Variants in LARP1B observed in about 807,000 individuals in gnomAD.
LARP1B encodes the protein La ribonucleoprotein 1B.
Under a neutral mutation model 114.2 loss-of-function variants are expected in LARP1B, and 76 were observed. The observed-to-expected ratio is 0.67, with a 90% CI of 0.55 to 0.81. The LOEUF is 0.81. LARP1B is among the 30% of genes least tolerant of loss of function. The probability of loss-of-function intolerance (pLI) is 0.00; values close to 1 mark genes in which losing one functional copy is unlikely to be tolerated. For missense variants in LARP1B, 1,014 were observed against 1,075.8 expected (o/e 0.94, Z 0.80); for synonymous variants, 345 against 348.0 (o/e 0.99, Z 0.10).
intron 16 of LARP1B, 62 bp downstream of exon 16, chr4:128,199,661 T>A (rs935380932): frequency 6.0e-6 from 5 of 839,852 alleles, no homozygotes; most frequent in Non-Finnish European, 6.5e-6. Context: ...TCTAAAAAAT[T>A]TAAATGTTGT....
intron 11 of LARP1B, chr4:128,155,445 G>A (rs1735073303): frequency 6.9e-6 from 5 of 720,322 alleles, no homozygotes; most frequent in East Asian, 2.6e-5. Context: ...TGGGTATGGC[G>A]ACCCCGCGCA....
At chr4:128,192,818 CTGTT>C (rs962513025) in intron 15 of LARP1B, among the ~76,000 whole-genome samples, 3 of 151,672 alleles carry the variant, frequency 2.0e-5, no homozygotes, top group Non-Finnish European at 2.9e-5. Context: ...CCCCATTTCT[CTGTT>C]TGTTTCTTTG....
At chr4:128,072,631 A>G (rs1216888782) in intron 1 of LARP1B, among the ~76,000 whole-genome samples, 1 of 151,734 alleles carries the variant, frequency 6.6e-6, no homozygotes, top group Non-Finnish European at 1.5e-5. Context: ...GTCTCGGCTC[A>G]CTGCAACTTT....
At chr4:128,133,667 G>T (rs1441619723) in intron 11 of LARP1B, among the ~76,000 whole-genome samples, 1 of 152,168 alleles carries the variant, frequency 6.6e-6, no homozygotes, top group Non-Finnish European at 1.5e-5. Context: ...AGACAGTCCA[G>T]AAATAAACCC....
intron 8 of LARP1B, among the ~76,000 whole-genome samples, chr4:128,098,767 ATTTTTTTT>A (rs869184167): frequency 0.015 from 510 of 34,980 alleles, 37 homozygotes; most frequent in African/African-American, 0.059. Flanking sequence ...ATATATATAT[ATTTTTTTT>A]TTTTTTTTTT....
At chr4:128,126,585 A>G (rs980463681) in intron 11 of LARP1B, among the ~76,000 whole-genome samples, 4 of 152,346 alleles carry the variant, frequency 2.6e-5, no homozygotes, top group Admixed American at 2.6e-4. Context: ...AACCAAATCA[A>G]TTGAAGGGAT....
Position 128,111,744 on chromosome 4 carries a change from G to A in LARP1B, c.989-2826G>A, listed in dbSNP as rs543479764. On this transcript the variant is annotated intron_variant, in intron 9 of 19. Coordinates refer to ENST00000326639, the MANE Select transcript of LARP1B (RefSeq NM_018078.4). ...TCTTGTTCTTGTCCCCCAGGCTGGA[G>A]TGCAGTGGCTCACTGCAACCTCCGC... 2.6e-5 allele frequency among the ~76,000 whole-genome samples: 4 copies of A among 152,192 alleles called. No individual in the cohort carries two copies. In the South Asian group the frequency reaches 6.2e-4, roughly 24 times the overall value.
intron 9 of LARP1B, among the ~76,000 whole-genome samples, chr4:128,110,456 G>A (rs1187335002): frequency 2.0e-5 from 3 of 149,842 alleles, no homozygotes; most frequent in African/African-American, 2.5e-5. Flanking sequence ...GGCGGATCAC[G>A]AGGTCAGGAG....
rs935707887 is a variant in LARP1B at position 128,111,124 on chromosome 4, G to A, written c.989-3446G>A. Among the ~76,000 whole-genome samples the A allele has an allele frequency of 3.3e-5, 5 of 150,904 alleles. No individual in the cohort carries two copies. In the Admixed American group the frequency reaches 3.3e-4, roughly 10 times the overall value. ...TGCAATGGCACGATCTCTGCTCACTGCAGACTCCGCCTCCCAGGTTCAAGC... is the reference window on the plus strand; with the variant it reads ...TGCAATGGCACGATCTCTGCTCACTACAGACTCCGCCTCCCAGGTTCAAGC... On this transcript the variant is annotated intron_variant, in intron 9 of 19. Coordinates refer to ENST00000326639, the MANE Select transcript of LARP1B (RefSeq NM_018078.4).
At chr4:128,066,614 A>G (rs541078291) in intron 1 of LARP1B, among the ~76,000 whole-genome samples, 2 of 151,270 alleles carry the variant, frequency 1.3e-5, no homozygotes, top group South Asian at 2.1e-4. Context: ...AGTAGCTGGG[A>G]TAACAGGCAA....
chr4:128,072,258 C>T (rs1765666727), intron 1 of LARP1B, among the ~76,000 whole-genome samples: 2 of 152,116 alleles, frequency 1.3e-5, no homozygotes. Flanking sequence ...GCGTTGGCCT[C>T]CCAAAGTGGT....
chr4:128,066,111 A>G (rs1029221080), intron 1 of LARP1B, among the ~76,000 whole-genome samples: 3 of 150,382 alleles, frequency 2.0e-5, no homozygotes, highest in African/African-American at 7.3e-5. Flanking sequence ...CTGGGACTAC[A>G]GGTGTAAGCC....
At chr4:128,100,805 C>CTTTTTTTTTT (rs1260880149) in intron 8 of LARP1B, among the ~76,000 whole-genome samples, 2 of 140,514 alleles carry the variant, frequency 1.4e-5, no homozygotes, top group Non-Finnish European at 1.6e-5. Flanking sequence ...CTTTTCTTTT[C>CTTTTTTTTTT]TTTTTTTTTT....
Position 128,065,330 on chromosome 4 carries a change from T to TTTC in LARP1B, c.-78+3929_-78+3930insTTC, listed in dbSNP as rs752164007. ...CTTTCTTTCTTTCTCTCTCTCTCTC[T>TTTC]CTTTCCTTTCTTTTCTTTTCTTTTC... On this transcript the variant is annotated intron_variant, in intron 1 of 19. Transcript: ENST00000326639. Among the ~76,000 whole-genome samples, 476 of 99,132 alleles carry TTTC rather than the reference T, an allele frequency of 4.8e-3. 2 individuals are homozygous for TTTC. The highest frequency in any genetic ancestry group is 0.015 in the East Asian group (55 of 3,644). 65.0% of individuals were successfully genotyped at this position (99,132 alleles called of 152,430 possible).
At position 128,155,757 on chromosome 4, in the gene LARP1B, G is replaced by A. The variant is rs949009186; in HGVS notation, c.1525-6437G>A. The A allele has an allele frequency of 1.9e-6, 3 of 1,606,714 alleles. No homozygotes were observed. In the East Asian group the frequency reaches 6.7e-5, roughly 36 times the overall value. Reference sequence around the variant, plus strand: ...ACAAGCTGGCTGCGGCCAAGTGTAGGAACTGGAGGAAGGAACTGACTGACT... The same window carrying A: ...ACAAGCTGGCTGCGGCCAAGTGTAGAAACTGGAGGAAGGAACTGACTGACT... On this transcript the variant is annotated intron_variant, in intron 11 of 19. Transcript: ENST00000326639.
At chr4:128,071,461 G>A (rs556789449) in intron 1 of LARP1B, among the ~76,000 whole-genome samples, 2 of 140,100 alleles carry the variant, frequency 1.4e-5, no homozygotes, top group African/African-American at 5.4e-5. Context: ...TCACTCTGTC[G>A]CCAAGGCTGG....
Position 128,200,661 on chromosome 4 carries a change from T to A in LARP1B, c.2305T>A (p.Tyr769Asn). The A allele has an allele frequency of 6.4e-7, 1 of 1,574,194 alleles. No homozygotes were observed. Among genetic ancestry groups the A allele is most frequent in the Non-Finnish European group, 8.6e-7 (1 of 1,162,868 alleles). The change falls in exon 17 of 20, where the codon TAC becomes AAC. Residue 769 changes from tyrosine (Y) to asparagine (N), a missense_variant. Coordinates refer to ENST00000326639, the MANE Select transcript of LARP1B (RefSeq NM_018078.4). Reference protein sequence around the residue: ...QLAWEDAKENYRYGLECLFRF... With the variant: ...QLAWEDAKENNRYGLECLFRF... ...TGCTTGGGAAGATGCAAAAGAAAAT[T>A]ACAGGTCAGATATTTTCTTTTACAC...
At chr4:128,098,803 T>C (rs1779219477) in intron 8 of LARP1B, among the ~76,000 whole-genome samples, 1 of 116,614 alleles carries the variant, frequency 8.6e-6, no homozygotes, top group African/African-American at 3.2e-5. Context: ...TTTAAGACAG[T>C]GTCTCACTCT....
intron 15 of LARP1B, among the ~76,000 whole-genome samples, chr4:128,198,139 C>G (rs1484539846): frequency 6.6e-6 from 1 of 152,108 alleles, no homozygotes; most frequent in Non-Finnish European, 1.5e-5. Context: ...CCAACCTCGG[C>G]CTCCCAAAGT....
Sources: gnomAD v4.1 joint callset for allele counts (sites outside exome capture counted in the v4.1 genomes callset) on GRCh38, gnomAD v4.1.1 for gene constraint, MANE v1.5 for transcripts, NCBI Gene and HGNC (gene_info 2026-07-23, HGNC 2026-07-21) for gene names.